The following SLC19A1 variants were observed in gnomAD, a reference collection of about 807,000 sequenced individuals.
SLC19A1 encodes reduced folate transporter.
A neutral mutation model predicts 35.3 loss-of-function variants in SLC19A1; 37 were observed. That is an observed-to-expected ratio of 1.05 (90% CI 0.81 to 1.38). The LOEUF is 1.38. Ranked by LOEUF, SLC19A1 falls within the 40% of genes most tolerant of loss-of-function variation. The pLI is 0.00. For missense variants in SLC19A1, 831 were observed against 826.9 expected (o/e 1.00, Z -0.06); for synonymous variants, 460 against 398.5 (o/e 1.15, Z -1.84).
rs2037845721 is a variant in SLC19A1, at chr21:45,515,334, T to TG, written c.*323dup. Reference sequence around the variant, plus strand: ...ATCCAAGAGGCCACTTCACTAGCCCTGGGGGGCAGAAAGGATTTGTCTCAA... The same window carrying TG: ...ATCCAAGAGGCCACTTCACTAGCCCTGGGGGGGCAGAAAGGATTTGTCTCAA... On this transcript the variant is annotated 3_prime_UTR_variant, in exon 6 of 6. Transcript: ENST00000311124. The TG allele has an allele frequency of 4.2e-6, 6 of 1,444,776 alleles. No homozygotes were observed. The East Asian group carries it at 7.6e-5, about 18-fold the overall frequency. 89.5% of individuals were successfully genotyped at this position (1,444,776 alleles called of 1,614,324 possible).
chr21:45,562,815 A>T (rs1241628366), exon 1 of SLC19A1, among the ~76,000 whole-genome samples: 1 of 152,030 alleles, frequency 6.6e-6, no homozygotes, highest in African/African-American at 2.4e-5. Context: ...GAAGGAGCTG[A>T]ATTTACGGTA....
intron 3 of SLC19A1, chr21:45,503,979 T>C: frequency 6.2e-7 from 1 of 1,612,960 alleles, no homozygotes; most frequent in Non-Finnish European, 8.5e-7. Context: ...AGACACCACC[T>C]CAGCGAGACC....
At chr21:45,542,924 G>GGT (rs2078357843), upstream of SLC19A1, among the ~76,000 whole-genome samples, 1 of 152,094 alleles carries the variant, frequency 6.6e-6, no homozygotes, top group South Asian at 2.1e-4. Flanking sequence ...CGCCCTCAGG[G>GGT]GTGGCCCTGG....
intron 2 of SLC19A1, among the ~76,000 whole-genome samples, chr21:45,535,170 G>C (rs576000521): frequency 6.6e-6 from 1 of 152,202 alleles, no homozygotes; most frequent in Non-Finnish European, 1.5e-5. Flanking sequence ...GTCCTGGGCC[G>C]GGGGGTCTCC....
At chr21:45,539,347 C>T (rs1375826132) in intron 1 of SLC19A1, among the ~76,000 whole-genome samples, 7 of 152,376 alleles carry the variant, frequency 4.6e-5, no homozygotes, top group African/African-American at 1.7e-4. Flanking sequence ...CAGAGGGCAG[C>T]TGAGCAGCCT....
intron 5 of SLC19A1, among the ~76,000 whole-genome samples, chr21:45,522,063 T>A (rs9306132): frequency 6.6e-6 from 1 of 151,778 alleles, no homozygotes; most frequent in African/African-American, 2.4e-5. Context: ...GAAAAAAAAA[T>A]TGCAAACTGT....
chr21:45,562,022 T>G (rs1489364094), intron 1 of SLC19A1, among the ~76,000 whole-genome samples: 1 of 150,246 alleles, frequency 6.7e-6, no homozygotes, highest in Admixed American at 6.7e-5. Context: ...TCCCAGCTAT[T>G]CAGGAGGCTG....
At chr21:45,529,467 G>T (rs1418769028) in intron 4 of SLC19A1, among the ~76,000 whole-genome samples, 1 of 152,212 alleles carries the variant, frequency 6.6e-6, no homozygotes. Flanking sequence ...AGTCCTCCCA[G>T]CGGGCAGGAA....
intron 5 of SLC19A1, among the ~76,000 whole-genome samples, chr21:45,519,553 T>A (rs1403079492): frequency 1.4e-4 from 5 of 37,008 alleles, no homozygotes; most frequent in Admixed American, 4.0e-4. Flanking sequence ...TAACATCAGG[T>A]AAAATAAACT....
rs2078021790 is a variant in SLC19A1, at chr21:45,533,944, G to C, written c.190-1796C>G. On this transcript the variant is annotated intron_variant, in intron 2 of 5. Coordinates refer to ENST00000311124, the MANE Select transcript of SLC19A1 (RefSeq NM_194255.4). This position sits in a 1 kb window ranked among gnomAD's most constrained non-coding sequence, Gnocchi z 4.5. ...TGCTGAGAAGCTTCCCAGGGGCTCA[G>C]GGGAAGGCTGCCCAGAGACCCCACC... is the stretch of plus-strand genomic sequence containing the variant. Among the ~76,000 whole-genome samples, 1 of 152,060 alleles carries C rather than the reference G, an allele frequency of 6.6e-6. No individual in the cohort carries two copies.
chr21:45,561,763 AAAAT>A lies in SLC19A1; in HGVS notation c.-50+975_-50+978del, dbSNP rs537235633. ...GGGACACAGCGAGACTCCATCTCAA[AAAAT>A]AAATAAATAAATAATAAATAATTAA... On this transcript the variant is annotated intron_variant, in intron 1 of 5. Transcript: ENST00000650808. Among the ~76,000 whole-genome samples, 251 of 151,922 alleles carry A rather than the reference AAAAT, an allele frequency of 1.7e-3. 1 individual carries two copies. The highest frequency in any genetic ancestry group is 5.4e-3 in the African/African-American group (224 of 41,440).
chr21:45,505,110 A>T, intron 3 of SLC19A1: 1 of 1,604,376 alleles, frequency 6.2e-7, no homozygotes, highest in South Asian at 1.1e-5. Flanking sequence ...GTAACCAGGA[A>T]GCGTCTCTTG....
At position 45,515,062 on chromosome 21, in the gene SLC19A1, A is replaced by C. The variant is rs1439951244; in HGVS notation, c.*596T>G. 2 of 1,544,954 alleles carry C rather than the reference A, an allele frequency of 1.3e-6. No individual in the cohort carries two copies. The highest frequency in any genetic ancestry group is 1.7e-6 in the Non-Finnish European group (2 of 1,145,274). ...GAGAGGAACCAGCTCCGAGGACCAG[A>C]GCCGCTGCTCCCCTCTGATGACAAT... On this transcript the variant is annotated 3_prime_UTR_variant, in exon 6 of 6. Coordinates refer to ENST00000311124, the MANE Select transcript of SLC19A1 (RefSeq NM_194255.4).
chr21:45,515,840 G>GCGGGGC lies in SLC19A1; in HGVS notation c.1588_1593dup (p.Ala530_Pro531dup), dbSNP rs746656562. The GCGGGGC allele has an allele frequency of 1.9e-5, 30 of 1,602,742 alleles. No homozygotes were observed. The highest frequency in any genetic ancestry group is 8.9e-5 in the South Asian group (8 of 90,016). On this transcript the variant is annotated inframe_insertion, in exon 6 of 6. Coordinates refer to ENST00000311124, the MANE Select transcript of SLC19A1 (RefSeq NM_194255.4). ...ACTGGGCTCAGGAATTCAGCTGCCT[G>GCGGGGC]CGGGGCCGGGGCCTGGGCCAGGTAT...
Position 45,515,482 on chromosome 21 carries a change from T to C in SLC19A1, c.*176A>G. The C allele has an allele frequency of 1.3e-6, 2 of 1,499,010 alleles. No individual in the cohort carries two copies. 92.9% of individuals were successfully genotyped at this position (1,499,010 alleles called of 1,614,324 possible). On this transcript the variant is annotated 3_prime_UTR_variant, in exon 6 of 6. Transcript: ENST00000311124. Reference sequence around the variant, plus strand: ...AGCATGGCCAGGCAGCTGCCCTGAGTGTCGCCAGCACGCTGTGGCCACCGC... The same window carrying C: ...AGCATGGCCAGGCAGCTGCCCTGAGCGTCGCCAGCACGCTGTGGCCACCGC...
At chr21:45,512,200 C>T (rs768263848), downstream of SLC19A1, 29 of 1,612,220 alleles carry the variant, frequency 1.8e-5, no homozygotes, top group African/African-American at 2.7e-4. Flanking sequence ...CCCAGAAGAG[C>T]GTGTGGCATG....
At chr21:45,551,123 G>T (rs968749771) in intron 1 of SLC19A1, among the ~76,000 whole-genome samples, 1 of 151,096 alleles carries the variant, frequency 6.6e-6, no homozygotes, top group Non-Finnish European at 1.5e-5. Flanking sequence ...CTACCTTTTG[G>T]ATCTAAAAAC....
chr21:45,526,905 C>G (rs539375350), intron 4 of SLC19A1, among the ~76,000 whole-genome samples: 1 of 152,336 alleles, frequency 6.6e-6, no homozygotes, highest in African/African-American at 2.4e-5. Context: ...GATGCTGAAC[C>G]TATACAATGG....
chr21:45,559,371 C>T (rs1464900315), intron 1 of SLC19A1, among the ~76,000 whole-genome samples: 1 of 152,154 alleles, frequency 6.6e-6, no homozygotes, highest in Non-Finnish European at 1.5e-5. Context: ...CACGCACCGA[C>T]AAGGAGACAA....
Sources: allele counts gnomAD v4.1 joint callset (sites outside exome capture counted in the v4.1 genomes callset), GRCh38; gene constraint gnomAD v4.1.1; non-coding constraint Gnocchi (gnomAD v3.1); transcripts MANE v1.5; gene names NCBI Gene and HGNC (gene_info 2026-07-23, HGNC 2026-07-21).